Variants in KLRG1 observed in about 807,000 individuals in gnomAD.
The protein encoded by KLRG1 is killer cell lectin-like receptor subfamily G member 1.
A neutral mutation model predicts 21.8 loss-of-function variants in KLRG1; 16 were observed. The observed-to-expected ratio is 0.73, with a 90% CI of 0.50 to 1.11. The LOEUF (loss-of-function observed/expected upper bound fraction) is 1.11. Ranked by LOEUF, KLRG1 falls within the 50% of genes most tolerant of loss-of-function variation. KLRG1 has a pLI of 0.00. For synonymous variants in KLRG1, 69 were observed against 75.9 expected (o/e 0.91, Z 0.47); for missense variants, 173 against 218.3 (o/e 0.79, Z 1.31).
chr12:8,981,512 G>A (rs932307084), intron 1 of KLRG1, among the ~76,000 whole-genome samples: 1 of 151,360 alleles, frequency 6.6e-6, no homozygotes, highest in East Asian at 1.9e-4. Context: ...TTTTACCCAT[G>A]GGTTATTCTT....
chr12:9,201,015 C>G, the KLRG1 span: 2 of 1,614,016 alleles, frequency 1.2e-6, no homozygotes, highest in African/African-American at 2.7e-5. Flanking sequence ...ATGCCAGCTT[C>G]TAGCTTGAGA....
At chr12:8,966,888 A>G (rs1446213468) in intron 1 of KLRG1, among the ~76,000 whole-genome samples, 1 of 150,090 alleles carries the variant, frequency 6.7e-6, no homozygotes, top group East Asian at 1.9e-4. Context: ...ATGCACACTT[A>G]TGTTTATTGC....
intron 1 of KLRG1, among the ~76,000 whole-genome samples, chr12:8,963,946 C>T (rs11494758): frequency 0.36 from 54,644 of 151,794 alleles, 10,240 homozygotes; most frequent in Admixed American, 0.43. Context: ...ATTAGTCTTG[C>T]TAGTGGTCTA....
the KLRG1 span, chr12:9,089,248 C>T: frequency 6.3e-7 from 1 of 1,583,210 alleles, no homozygotes; most frequent in Non-Finnish European, 8.6e-7. Context: ...TCTAGTCCTT[C>T]AGGCTTTAGG....
the KLRG1 span, chr12:9,181,004 C>T: frequency 9.6e-5 from 155 of 1,613,928 alleles, no homozygotes; most frequent in Admixed American, 3.0e-4. Flanking sequence ...AGAGCTCAGC[C>T]TCAGGCTTCA....
chr12:9,164,361 T>C, the KLRG1 span: 5 of 1,312,836 alleles, frequency 3.8e-6, no homozygotes, highest in African/African-American at 7.4e-5. Context: ...AAATTGGGAT[T>C]TGTAAGAAAA....
the KLRG1 span, chr12:9,153,136 C>T: frequency 3.1e-6 from 5 of 1,614,060 alleles, no homozygotes; most frequent in Non-Finnish European, 4.2e-6. Flanking sequence ...TGAAGATACA[C>T]ACATCTTTCC....
chr12:8,968,572 G>A (rs1173886134), intron 1 of KLRG1, among the ~76,000 whole-genome samples: 1 of 152,142 alleles, frequency 6.6e-6, no homozygotes, highest in African/African-American at 2.4e-5. Flanking sequence ...GAAAATCTGT[G>A]GTGGTATAGG....
chr12:8,951,619 C>G (rs145353333), intron 1 of KLRG1, among the ~76,000 whole-genome samples: 154 of 152,242 alleles, frequency 1.0e-3, no homozygotes, highest in Middle Eastern at 3.4e-3. Flanking sequence ...TATTTTTTAT[C>G]AAGTAACTCA....
intron 1 of KLRG1, among the ~76,000 whole-genome samples, chr12:8,965,897 A>G (rs1367123542): frequency 3.9e-5 from 6 of 152,246 alleles, no homozygotes; most frequent in Non-Finnish European, 1.5e-5. Flanking sequence ...CTAAGCCAAA[A>G]GAACAAAGCT....
chr12:9,095,178 T>C, the KLRG1 span: 1 of 623,332 alleles, frequency 1.6e-6, no homozygotes, highest in Non-Finnish European at 2.6e-6. Flanking sequence ...AGCAATCCAG[T>C]TAACTTAAAT....
At chr12:9,202,930 C>T in the KLRG1 span, among the ~76,000 whole-genome samples, 1 of 152,076 alleles carries the variant, frequency 6.6e-6, no homozygotes, top group Non-Finnish European at 1.5e-5. Flanking sequence ...AAATTAGATG[C>T]CTTTTAACTG....
chr12:9,110,529 G>A, the KLRG1 span, among the ~76,000 whole-genome samples: 2 of 151,604 alleles, frequency 1.3e-5, no homozygotes, highest in African/African-American at 4.8e-5. Flanking sequence ...TGAGGGGATG[G>A]GTACTCCATT....
the KLRG1 span, chr12:9,152,931 A>G: frequency 4.3e-6 from 7 of 1,614,136 alleles, no homozygotes; most frequent in South Asian, 5.5e-5. Flanking sequence ...TCTCTGGAAG[A>G]ATATTGTATT....
chr12:9,087,095 TA>T, the KLRG1 span, among the ~76,000 whole-genome samples: 9 of 151,886 alleles, frequency 5.9e-5, no homozygotes, highest in African/African-American at 2.2e-4. Flanking sequence ...CAGTGAAAAT[TA>T]TAAAACACTG....
the KLRG1 span, among the ~76,000 whole-genome samples, chr12:9,084,439 A>G: frequency 3.3e-5 from 5 of 152,192 alleles, no homozygotes; most frequent in East Asian, 9.6e-4. Context: ...CAACGACATA[A>G]AATGTGTGTG....
At chr12:9,209,913 A>G in the KLRG1 span, among the ~76,000 whole-genome samples, 1 of 152,168 alleles carries the variant, frequency 6.6e-6, no homozygotes, top group Admixed American at 6.5e-5. Flanking sequence ...TTTAATGACC[A>G]TCTATACGAC....
At chr12:9,182,526 T>C in the KLRG1 span, among the ~76,000 whole-genome samples, 1 of 152,238 alleles carries the variant, frequency 6.6e-6, no homozygotes, top group Non-Finnish European at 1.5e-5. Context: ...TTGTCATATA[T>C]GACTTTTAAA....
At chr12:9,076,654 G>T in the KLRG1 span, 1 of 1,035,900 alleles carries the variant, frequency 9.7e-7, no homozygotes, top group Non-Finnish European at 1.4e-6. Flanking sequence ...TAGAAAAGAA[G>T]AGAGGAGACA....
Sources: gnomAD v4.1 joint callset for allele counts (sites outside exome capture counted in the v4.1 genomes callset) on GRCh38, gnomAD v4.1.1 for gene constraint, MANE v1.5 for transcripts, NCBI Gene and HGNC (gene_info 2026-07-23, HGNC 2026-07-21) for gene names.